The following MAF variants were observed in gnomAD, a reference collection of about 807,000 sequenced individuals.
MAF encodes MAF bZIP transcription factor, also known as transcription factor Maf.
Under a neutral mutation model 22.0 loss-of-function variants are expected in MAF, and 10 were observed. The ratio of observed to expected loss-of-function variants is 0.45; its 90% confidence interval spans 0.28 to 0.77. The LOEUF is 0.77. Among genes scored for constraint, MAF ranks in the 30% least tolerant of loss-of-function variants. MAF has a pLI of 0.12. For synonymous variants in MAF, 337 were observed against 255.8 expected (o/e 1.32, Z -3.03); for missense variants, 544 against 548.4 (o/e 0.99, Z 0.08).
the MAF span, among the ~76,000 whole-genome samples, chr16:79,266,948 T>A: frequency 6.6e-6 from 1 of 152,198 alleles, no homozygotes; most frequent in African/African-American, 2.4e-5. Context: ...CACACATTCC[T>A]GGACTCAAGC....
the MAF span, among the ~76,000 whole-genome samples, chr16:79,273,909 G>C: frequency 6.6e-6 from 1 of 150,894 alleles, no homozygotes; most frequent in Non-Finnish European, 1.5e-5. Flanking sequence ...ATAGCTGGAG[G>C]TCTGCAGAAT....
At chr16:79,226,097 C>T in the MAF span, among the ~76,000 whole-genome samples, 2 of 152,276 alleles carry the variant, frequency 1.3e-5, no homozygotes, top group Non-Finnish European at 2.9e-5. Flanking sequence ...TATTGCAGTA[C>T]TGTGCACAGT....
the MAF span, among the ~76,000 whole-genome samples, chr16:79,302,641 CTA>C: frequency 6.6e-6 from 1 of 152,232 alleles, no homozygotes; most frequent in Non-Finnish European, 1.5e-5. Context: ...AATGTGGCTT[CTA>C]TGTTTTCAGC....
At chr16:79,244,416 T>C in the MAF span, among the ~76,000 whole-genome samples, 125,229 of 151,932 alleles carry the variant, frequency 0.82, 52,983 homozygotes, top group African/African-American at 0.91. Flanking sequence ...GTTCTGTACA[T>C]CAATAATAGA....
the MAF span, among the ~76,000 whole-genome samples, chr16:79,346,654 T>A: frequency 1.3e-5 from 2 of 152,190 alleles, no homozygotes; most frequent in Admixed American, 1.3e-4. Flanking sequence ...TTGTGGTGGA[T>A]CTACACGATA....
At chr16:79,505,853 T>C in the MAF span, 8 of 152,184 alleles carry the variant, frequency 5.3e-5, no homozygotes, top group African/African-American at 1.9e-4. Flanking sequence ...GATATTCACG[T>C]GGCAGTGACC....
the MAF span, among the ~76,000 whole-genome samples, chr16:79,222,843 A>G: frequency 1.3e-3 from 205 of 152,364 alleles, no homozygotes; most frequent in Non-Finnish European, 2.0e-3. Context: ...TATGCACCCA[A>G]TACCGGAGCA....
the MAF span, among the ~76,000 whole-genome samples, chr16:79,260,819 G>C: frequency 2.0e-5 from 3 of 151,674 alleles, no homozygotes. Context: ...TTATTGCTTA[G>C]AGTGAGGCCA....
the MAF span, among the ~76,000 whole-genome samples, chr16:79,228,469 T>C: frequency 6.6e-6 from 1 of 152,050 alleles, no homozygotes; most frequent in Non-Finnish European, 1.5e-5. Context: ...AATGCACTGA[T>C]AATTCTCAAA....
the MAF span, among the ~76,000 whole-genome samples, chr16:79,573,789 G>C: frequency 2.0e-5 from 3 of 152,220 alleles, no homozygotes; most frequent in Non-Finnish European, 4.4e-5. Flanking sequence ...GGCTGTCCAG[G>C]AAAGGAAACT....
chr16:79,591,093 A>G (rs996346513), downstream of MAF, among the ~76,000 whole-genome samples: 2 of 152,152 alleles, frequency 1.3e-5, no homozygotes, highest in African/African-American at 4.8e-5. Context: ...CTTCCTATCC[A>G]GTTCTATAAG....
chr16:79,452,974 G>C, the MAF span, among the ~76,000 whole-genome samples: 3 of 152,176 alleles, frequency 2.0e-5, no homozygotes, highest in African/African-American at 7.2e-5. Context: ...GCGATGTGGA[G>C]GTTTATCTGT....
At chr16:79,479,081 C>G in the MAF span, among the ~76,000 whole-genome samples, 1 of 151,338 alleles carries the variant, frequency 6.6e-6, no homozygotes, top group Admixed American at 6.6e-5. Flanking sequence ...ATTGGTATAG[C>G]ATTCTAGTGC....
At chr16:79,559,977 C>T in the MAF span, among the ~76,000 whole-genome samples, 5 of 152,274 alleles carry the variant, frequency 3.3e-5, no homozygotes, top group East Asian at 7.7e-4. Context: ...AATCACAGTT[C>T]GCTGCAGCTG....
chr16:79,240,381 C>T, the MAF span, among the ~76,000 whole-genome samples: 3 of 150,154 alleles, frequency 2.0e-5, no homozygotes, highest in East Asian at 6.0e-4. Flanking sequence ...CCAAGCCCTA[C>T]AACACTTCAA....
At chr16:79,221,311 G>A in the MAF span, among the ~76,000 whole-genome samples, 2 of 152,176 alleles carry the variant, frequency 1.3e-5, no homozygotes, top group Non-Finnish European at 2.9e-5. Flanking sequence ...TTTAGGGAGA[G>A]AGGCTGAGCA....
At chr16:79,271,705 A>G in the MAF span, among the ~76,000 whole-genome samples, 1 of 152,258 alleles carries the variant, frequency 6.6e-6, no homozygotes, top group African/African-American at 2.4e-5. Context: ...AGTTGTTCCA[A>G]ACATGATTTG....
chr16:79,311,065 C>T, the MAF span, among the ~76,000 whole-genome samples: 1 of 151,396 alleles, frequency 6.6e-6, no homozygotes, highest in Non-Finnish European at 1.5e-5. Context: ...AACACCCACT[C>T]CCTCAGCACT....
chr16:79,385,994 C>G, the MAF span, among the ~76,000 whole-genome samples: 1 of 152,178 alleles, frequency 6.6e-6, no homozygotes, highest in African/African-American at 2.4e-5. Flanking sequence ...TTCTTAGGCT[C>G]TGAGGGTTGG....
Sources: gnomAD v4.1 joint callset for allele counts (sites outside exome capture counted in the v4.1 genomes callset) on GRCh38, gnomAD v4.1.1 for gene constraint, MANE v1.5 for transcripts, NCBI Gene and HGNC (gene_info 2026-07-23, HGNC 2026-07-21) for gene names.